Variants in PDCD6 observed in about 807,000 individuals in gnomAD.
PDCD6 encodes the protein programmed cell death 6.
In PDCD6, 12 loss-of-function variants were observed where a neutral mutation model predicts 28.3. That is an observed-to-expected ratio of 0.42 (90% CI 0.27 to 0.69). The LOEUF (loss-of-function observed/expected upper bound fraction) is 0.69, where lower values mean the gene tolerates loss of function less well. Among genes scored for constraint, PDCD6 ranks in the 30% least tolerant of loss-of-function variants. PDCD6 has a pLI of 0.22. For synonymous variants in PDCD6, 92 were observed against 108.0 expected (o/e 0.85, Z 0.92); for missense variants, 226 against 269.9 (o/e 0.84, Z 1.14).
intron 2 of PDCD6, among the ~76,000 whole-genome samples, chr5:275,234 G>A (rs545549044): frequency 6.6e-5 from 10 of 152,312 alleles, no homozygotes; most frequent in East Asian, 3.9e-4. Context: ...CAGCCTGGGC[G>A]ACACTGTGAG....
chr5:302,694 G>T (rs1391644065), intron 2 of PDCD6, among the ~76,000 whole-genome samples: 1 of 148,662 alleles, frequency 6.7e-6, no homozygotes, highest in South Asian at 2.2e-4. Context: ...ATCGAGTGCT[G>T]CTGTGTGTGT....
intron 2 of PDCD6, among the ~76,000 whole-genome samples, chr5:299,823 A>G (rs762749455): frequency 6.3e-4 from 96 of 152,068 alleles, no homozygotes; most frequent in Non-Finnish European, 1.1e-3. Context: ...TGCTGGGATT[A>G]CAGGCGCCAG....
intron 5 of PDCD6, chr5:311,627 G>T: frequency 1.9e-6 from 1 of 520,438 alleles, no homozygotes; most frequent in South Asian, 2.4e-5. Flanking sequence ...TGCAAGACGT[G>T]GTTTTTCAGT....
At chr5:296,232 G>A (rs558254686) in intron 2 of PDCD6, among the ~76,000 whole-genome samples, 1 of 152,048 alleles carries the variant, frequency 6.6e-6, no homozygotes, top group Admixed American at 6.5e-5. Context: ...AGATCTGATC[G>A]GCCACGACAC....
chr5:294,954 A>G lies in PDCD6; in HGVS notation c.164-9223A>G, dbSNP rs144185060. On this transcript the variant is annotated intron_variant, in intron 2 of 5. Transcript: ENST00000264933. ...ACAGGCCGAGGGATGCCGCCACGTG[A>G]CATCTTGGAGAAGACAGTGCTACCG... Among the ~76,000 whole-genome samples the G allele has an allele frequency of 5.7e-3, 874 of 152,194 alleles. 10 individuals carry two copies. The highest frequency in any genetic ancestry group is 0.021 in the African/African-American group (860 of 41,498).
At chr5:298,912 T>C (rs922966113) in intron 2 of PDCD6, among the ~76,000 whole-genome samples, 2 of 20,342 alleles carry the variant, frequency 9.8e-5, no homozygotes, top group African/African-American at 2.1e-4. Context: ...ACCCAGCTGT[T>C]CCCCCCAGCT....
chr5:306,528 A>G (rs963699477), intron 3 of PDCD6, 74 bp from the exon 4 acceptor site: 1 of 1,534,280 alleles, frequency 6.5e-7, no homozygotes, highest in Non-Finnish European at 9.0e-7. Context: ...CTGAGGGCTG[A>G]GGTCTGGTGG....
At chr5:298,151 A>T (rs549710938) in intron 2 of PDCD6, among the ~76,000 whole-genome samples, 21 of 152,284 alleles carry the variant, frequency 1.4e-4, no homozygotes, top group Admixed American at 1.4e-3. Context: ...TTCAGGGGTA[A>T]TTCCCAGGCA....
chr5:293,314 A>G (rs1739424684), intron 2 of PDCD6, among the ~76,000 whole-genome samples: 1 of 148,138 alleles, frequency 6.8e-6, no homozygotes, highest in African/African-American at 2.5e-5. Context: ...TATGACAGGA[A>G]GAGCAGATCA....
At chr5:284,455 T>C (rs1336856690) in intron 2 of PDCD6, among the ~76,000 whole-genome samples, 1 of 152,146 alleles carries the variant, frequency 6.6e-6, no homozygotes, top group African/African-American at 2.4e-5. Context: ...GAGCTGATGT[T>C]CCAGTTTGAG....
At position 314,418 on chromosome 5, in the gene PDCD6, G is replaced by A. The variant is rs201782998; in HGVS notation, c.479G>A (p.Arg160Lys). 137 of 1,609,738 alleles carry A rather than the reference G, an allele frequency of 8.5e-5. No individual in the cohort carries two copies. The Middle Eastern group carries it at 9.9e-4, about 12-fold the overall frequency. Reference protein sequence around the residue: ...DFIQGCIVLQRLTDIFRRYDT... With the variant: ...DFIQGCIVLQKLTDIFRRYDT... The stretch of plus-strand genomic sequence containing the variant: ...TTTAAATGCCTGTTTTCTCCCCAGA[G>A]GTTGACGGATATATTCAGACGTTAC... Residue 160 changes from arginine to lysine, a missense_variant and splice_region_variant, in exon 6 of 6, where the codon AGG (arginine) becomes AAG (lysine). Physicochemically the swap from Arg to Lys is conservative, Grantham distance 26 (BLOSUM62 2). This residue lies in a region of PDCD6 where 151 missense variants were observed against 177.2 expected (regional missense o/e 0.85). Transcript: ENST00000264933.
intron 2 of PDCD6, among the ~76,000 whole-genome samples, chr5:279,433 G>T (rs1738425379): frequency 6.6e-6 from 1 of 152,100 alleles, no homozygotes. Flanking sequence ...TGTGGAATGA[G>T]AGGCGTGTGG....
chr5:299,310 G>A (rs1348431133), intron 2 of PDCD6, among the ~76,000 whole-genome samples: 6 of 102,420 alleles, frequency 5.9e-5, no homozygotes, highest in Non-Finnish European at 2.0e-5. Flanking sequence ...CCTACCTGGG[G>A]CACCCGTTCC....
chr5:306,837 T>A, intron 4 of PDCD6, 77 bp downstream of exon 4: 1 of 1,405,504 alleles, frequency 7.1e-7, no homozygotes, highest in Non-Finnish European at 1.0e-6. Context: ...TAAACCTTGT[T>A]GGACTTAACT....
chr5:291,050 A>G (rs1739282654), intron 2 of PDCD6, among the ~76,000 whole-genome samples: 1 of 152,210 alleles, frequency 6.6e-6, no homozygotes, highest in African/African-American at 2.4e-5. Context: ...AATCTCAAGA[A>G]ACATAACTGT....
chr5:284,526 A>T (rs1021824175), intron 2 of PDCD6, among the ~76,000 whole-genome samples: 41 of 151,698 alleles, frequency 2.7e-4, no homozygotes, highest in African/African-American at 8.7e-4. Context: ...GCGGGGGAGA[A>T]GATGTTCCAG....
chr5:304,835 C>CAA (rs1740362198), intron 3 of PDCD6: 1 of 152,068 alleles, frequency 6.6e-6, no homozygotes, highest in African/African-American at 2.4e-5. Flanking sequence ...AGGGTCTCCC[C>CAA]AGCTGTATAG....
At chr5:290,608 G>C (rs1739258789) in intron 2 of PDCD6, among the ~76,000 whole-genome samples, 1 of 152,242 alleles carries the variant, frequency 6.6e-6, no homozygotes, top group Admixed American at 6.5e-5. Context: ...AGATTAATCT[G>C]AGAGTTACTA....
intron 5 of PDCD6, chr5:313,761 G>C (rs1267937307): frequency 6.5e-6 from 1 of 154,078 alleles, no homozygotes; most frequent in Admixed American, 6.5e-5. Context: ...CTGCAGCCTC[G>C]ACCCTCAGGC....
Sources: allele counts gnomAD v4.1 joint callset (sites outside exome capture counted in the v4.1 genomes callset), GRCh38; gene constraint gnomAD v4.1.1; regional missense constraint gnomAD v4.1.1; transcripts MANE v1.5; gene names NCBI Gene and HGNC (gene_info 2026-07-23, HGNC 2026-07-21).